The following SLC6A14 variants were observed in gnomAD, a reference collection of about 807,000 sequenced individuals.
The protein encoded by SLC6A14 is solute carrier family 6 member 14, also known as sodium- and chloride-dependent neutral and basic amino acid transporter B(0+).
A neutral mutation model predicts 51.4 loss-of-function variants in SLC6A14; 21 were observed. The ratio of observed to expected loss-of-function variants is 0.41; its 90% CI spans 0.29 to 0.59. The LOEUF is 0.59. SLC6A14 is among the 20% of genes least tolerant of loss of function. SLC6A14 has a pLI of 0.31. For missense variants in SLC6A14, 371 were observed against 472.8 expected, an observed-to-expected ratio of 0.78 and a Z score of 2.00; for synonymous variants, 177 against 160.7, an observed-to-expected ratio of 1.10 and a Z score of -0.77.
In SLC6A14 at chrX:116,440,338, A is replaced by G. The variant is rs782450617; in HGVS notation, c.215-628A>G. 4.4e-5 allele frequency among the ~76,000 whole-genome samples: 5 copies of G among 112,692 alleles called. No homozygotes were observed. The East Asian group carries it at 1.4e-3, about 31-fold the overall frequency. On this transcript the variant is annotated intron_variant, in intron 2 of 13. Transcript: ENST00000598581. ...AAACAAAACCAATACATTTTGTATT[A>G]ACATTGAGTGAAGAACCTTGTGACT... is the stretch of plus-strand genomic sequence containing the variant.
In SLC6A14 at chrX:116,460,559, CT is replaced by C. The variant is rs1224657556; in HGVS notation, c.*1618del. On this transcript the variant is annotated 3_prime_UTR_variant, in exon 14 of 14. Coordinates refer to ENST00000598581, the MANE Select transcript of SLC6A14 (RefSeq NM_007231.5). ...TCTGAGGGTTTTCTTTTTCTTTTTC[CT>C]TTTTTTTTTTTTTGGTGGGGGGCTG... 0.016 allele frequency: 1,431 copies of C among 88,997 alleles called. 23 individuals are homozygous for C. Among genetic ancestry groups the C allele is most frequent in the Non-Finnish European group, 0.022 (1,045 of 46,835 alleles). 7.3% of individuals were successfully genotyped at this position (88,997 alleles called of 1,213,427 possible).
chrX:116,446,391 A>G (rs1927716397), intron 6 of SLC6A14, among the ~76,000 whole-genome samples: 1 of 111,810 alleles, frequency 8.9e-6, no homozygotes, highest in East Asian at 2.8e-4. Context: ...CCTCACCTCA[A>G]TGCAGTAATT....
At position 116,460,221 on chromosome X, in the gene SLC6A14, TC is replaced by T. The variant is rs782008563; in HGVS notation, c.*1268del. ...TACATGCATTTTTCTAGGGAGAGAG[TC>T]CGTAGGTTTATCAGAATATCAAGGA... On this transcript the variant is annotated 3_prime_UTR_variant, in exon 14 of 14. Coordinates refer to ENST00000598581, the MANE Select transcript of SLC6A14 (RefSeq NM_007231.5). 1.8e-5 allele frequency: 2 copies of T among 111,284 alleles called. No homozygotes were observed. The highest frequency in any genetic ancestry group is 7.6e-4 in the South Asian group (2 of 2,648). The allele number at this position is 111,284 out of a possible 1,213,427, so 9.2% of individuals were successfully genotyped here. A position where few individuals can be genotyped will look rare whatever the true frequency, so the allele number is the denominator to read the frequency against.
intron 1 of SLC6A14, 96 bp from the exon 2 acceptor site, chrX:116,437,692 TCC>T: frequency 6.0e-6 from 5 of 837,810 alleles, no homozygotes; most frequent in Non-Finnish European, 8.4e-6. Flanking sequence ...CAGGGTTTCT[TCC>T]CCCCATTTTC....
chrX:116,458,350 A>G (rs1477166854), intron 13 of SLC6A14, among the ~76,000 whole-genome samples: 2 of 111,412 alleles, frequency 1.8e-5, no homozygotes, highest in Non-Finnish European at 3.8e-5. Context: ...ATAAATTCCT[A>G]AGTCCATACA....
chrX:116,449,709 G>A lies in SLC6A14; in HGVS notation c.931-1733G>A, dbSNP rs1398672495. ...ATGCTGTACTAATTAAAATAGTGAG[G>A]TGTTAGCATAGGTATAAATATATAG... On this transcript the variant is annotated intron_variant, in intron 7 of 13. Coordinates refer to ENST00000598581, the MANE Select transcript of SLC6A14 (RefSeq NM_007231.5). 2.7e-5 allele frequency among the ~76,000 whole-genome samples: 3 copies of A among 111,707 alleles called. No homozygotes were observed. The Admixed American group carries it at 2.9e-4, about 11-fold the overall frequency.
At chrX:116,447,569 A>G (rs1927739435) in intron 7 of SLC6A14, among the ~76,000 whole-genome samples, 3 of 101,812 alleles carry the variant, frequency 2.9e-5, no homozygotes, top group African/African-American at 1.1e-4. Context: ...TTCTATTAGT[A>G]TGGTCTAGAA....
At chrX:116,455,505 C>A in intron 12 of SLC6A14, 39 bp downstream of exon 12, 1 of 845,866 alleles carries the variant, frequency 1.2e-6, no homozygotes, top group East Asian at 3.1e-5. Flanking sequence ...TTCGATAATA[C>A]ATATGTTCTA....
chrX:116,446,348 T>C (rs1468632212), intron 6 of SLC6A14, among the ~76,000 whole-genome samples: 1 of 111,955 alleles, frequency 8.9e-6, no homozygotes, highest in Non-Finnish European at 1.9e-5. Flanking sequence ...ACTGAATATA[T>C]ATTAACCAAT....
At chrX:116,457,499 A>T in intron 12 of SLC6A14, 110 bp from the exon 13 acceptor site, 1 of 567,081 alleles carries the variant, frequency 1.8e-6, no homozygotes, top group Non-Finnish European at 2.6e-6. Flanking sequence ...ATATATTTTC[A>T]TATTAACTAT....
chrX:116,454,141 T>G (rs2147390643), intron 9 of SLC6A14, among the ~76,000 whole-genome samples, 183 bp from the exon 10 acceptor site: 1 of 111,290 alleles, frequency 9.0e-6, no homozygotes, highest in South Asian at 3.7e-4. Flanking sequence ...CATTTGATTT[T>G]CATCAGAACC....
At position 116,461,262 on chromosome X, in the gene SLC6A14, G is replaced by C. The variant is rs576467121; in HGVS notation, c.*2307G>C. ...TCAACAGAGTGCTTGGCATATTGTA[G>C]GGTGCTCAATGGTGGTTTTTATTAT... On this transcript the variant is annotated 3_prime_UTR_variant, in exon 14 of 14. Coordinates refer to ENST00000598581, the MANE Select transcript of SLC6A14 (RefSeq NM_007231.5). 2.4e-4 allele frequency: 27 copies of C among 114,842 alleles called. 1 individual carries two copies. The South Asian group carries it at 7.3e-3, about 31-fold the overall frequency. 9.5% of individuals were successfully genotyped at this position (114,842 alleles called of 1,213,427 possible).
chrX:116,451,539 G>T lies in SLC6A14; in HGVS notation c.1028G>T (p.Cys343Phe). 1 of 1,210,302 alleles carries T rather than the reference G, an allele frequency of 8.3e-7. No homozygotes were observed. The highest frequency in any genetic ancestry group is 1.1e-6 in the Non-Finnish European group (1 of 894,407). ...LSSYNKFKNN[C>F]FSDAIVVCLT... ...TCTTACAATAAGTTCAAAAACAACT[G>T]CTTCTCTGATGCCATTGTGGTTTGT... Residue 343 changes from cysteine (C) to phenylalanine (F), a missense_variant, in exon 8 of 14, where the codon TGC becomes TTC. Physicochemically the swap from Cys to Phe is radical, Grantham distance 205. Transcript: ENST00000598581.
Position 116,437,969 on chromosome X carries a change from C to CGGGGGGGCG in SLC6A14, c.214+14_214+15insGGGGGGGCG. On this transcript the variant is annotated intron_variant, in intron 2 of 13. Coordinates refer to ENST00000598581, the MANE Select transcript of SLC6A14 (RefSeq NM_007231.5). ...GCAATGGTGGAGGTATTCTATTTCACCCCCACCCTCCCACCCCCGCTTTTC... is the reference window on the plus strand; with the variant it reads ...GCAATGGTGGAGGTATTCTATTTCACGGGGGGGCGCCCCACCCTCCCACCCCCGCTTTTC... 6.4e-6 allele frequency: 7 copies of CGGGGGGGCG among 1,096,527 alleles called. No individual in the cohort carries two copies. Among genetic ancestry groups the CGGGGGGGCG allele is most frequent in the Non-Finnish European group, 8.5e-6 (7 of 820,836 alleles). The allele number at this position is 1,096,527 out of a possible 1,213,427, so 90.4% of individuals were successfully genotyped here.
intron 3 of SLC6A14, among the ~76,000 whole-genome samples, chrX:116,442,052 TA>T (rs1189489289): frequency 9.0e-6 from 1 of 111,602 alleles, no homozygotes; most frequent in Non-Finnish European, 1.9e-5. Flanking sequence ...TTTGCAGGCT[TA>T]ACAAGAAAAA....
At chrX:116,454,842 T>C (rs2147390933) in intron 10 of SLC6A14, 135 bp from the exon 11 acceptor site, 2 of 474,713 alleles carry the variant, frequency 4.2e-6, no homozygotes, top group Non-Finnish European at 7.2e-6. Context: ...ATTTGAAACA[T>C]TGCTTTTCGC....
chrX:116,446,732 T>C lies in SLC6A14; in HGVS notation c.790-9T>C, dbSNP rs782385581. ...TAATTTACTAATTTTTGGTTACTTT[T>C]CTTGGTAGGTGGTATATTTTACAGC... is the stretch of plus-strand genomic sequence containing the variant. On this transcript the variant is annotated splice_polypyrimidine_tract_variant and intron_variant, in intron 6 of 13. Coordinates refer to ENST00000598581, the MANE Select transcript of SLC6A14 (RefSeq NM_007231.5). 1 of 1,192,359 alleles carries C rather than the reference T, an allele frequency of 8.4e-7. No individual in the cohort carries two copies. Among genetic ancestry groups the C allele is most frequent in the Non-Finnish European group, 1.1e-6 (1 of 879,612 alleles).
At position 116,458,949 on chromosome X, in the gene SLC6A14, G is replaced by A. The variant is rs1448499691; in HGVS notation, c.1923G>A (p.Pro641=). 5.0e-6 allele frequency: 6 copies of A among 1,190,818 alleles called. No individual in the cohort carries two copies. Among genetic ancestry groups the A allele is most frequent in the East Asian group, 3.0e-5 (1 of 33,367 alleles). The change falls in exon 14 of 14, where the codon CCG becomes CCA. Residue 641 remains proline, a synonymous_variant. Transcript: ENST00000598581. ...CTACTGTTAGTGGCAGCAGAAAACC[G>A]GAATGAGATCTCATTGAAAAAAATA... The part of the protein sequence containing the change: ...EIPTVSGSRK[P]E
In SLC6A14 at chrX:116,459,929, T is replaced by C. The variant is rs1254410483; in HGVS notation, c.*974T>C. 2.7e-5 allele frequency: 3 copies of C among 111,827 alleles called. No individual in the cohort carries two copies. Among genetic ancestry groups the C allele is most frequent in the Non-Finnish European group, 5.7e-5 (3 of 53,064 alleles). 9.2% of individuals were successfully genotyped at this position (111,827 alleles called of 1,213,427 possible). A position where few individuals can be genotyped will look rare whatever the true frequency, so the allele number is the denominator to read the frequency against. On this transcript the variant is annotated 3_prime_UTR_variant, in exon 14 of 14. Coordinates refer to ENST00000598581, the MANE Select transcript of SLC6A14 (RefSeq NM_007231.5). ...TGATAACTTGCATACTATTGGAAGA[T>C]AAACTTGTCAAACTTGTCAAGAATG...
Sources: gnomAD v4.1 joint callset for allele counts (sites outside exome capture counted in the v4.1 genomes callset) on GRCh38, gnomAD v4.1.1 for gene constraint, MANE v1.5 for transcripts, NCBI Gene and HGNC (gene_info 2026-07-23, HGNC 2026-07-21) for gene names.